L3MBTL4: variants seen among roughly 807,000 people sequenced by gnomAD.
L3MBTL4 encodes the protein L3MBTL histone methyl-lysine binding protein 4, also known as lethal(3)malignant brain tumor-like protein 4.
A neutral mutation model predicts 84.5 loss-of-function variants in L3MBTL4; 70 were observed. The ratio of observed to expected loss-of-function variants is 0.83; its 90% CI spans 0.68 to 1.01. L3MBTL4 has a LOEUF of 1.01. Among genes scored for constraint, L3MBTL4 ranks in the 50% least tolerant of loss-of-function variants. The pLI is 0.00. For synonymous variants in L3MBTL4, 274 were observed against 259.8 expected (o/e 1.05, Z -0.52); for missense variants, 715 against 754.8 (o/e 0.95, Z 0.62).
intron 1 of L3MBTL4, among the ~76,000 whole-genome samples, chr18:6,325,196 A>G (rs866646496): frequency 1.3e-5 from 2 of 152,220 alleles, no homozygotes; most frequent in South Asian, 4.1e-4. Flanking sequence ...ATGGGAAAAA[A>G]ATGAAAACAA....
chr18:6,062,555 C>T (rs1055428688), intron 16 of L3MBTL4, among the ~76,000 whole-genome samples: 2 of 151,984 alleles, frequency 1.3e-5, no homozygotes, highest in Non-Finnish European at 2.9e-5. Context: ...ATTATCATTT[C>T]AAATATTTCT....
chr18:6,362,706 G>A (rs1357947021), intron 1 of L3MBTL4, among the ~76,000 whole-genome samples: 1 of 152,086 alleles, frequency 6.6e-6, no homozygotes, highest in Non-Finnish European at 1.5e-5. Flanking sequence ...TTCCCTCCCT[G>A]GTAACTTACA....
intron 1 of L3MBTL4, among the ~76,000 whole-genome samples, chr18:6,369,311 G>A (rs2144152257): frequency 6.6e-6 from 1 of 152,244 alleles, no homozygotes; most frequent in Middle Eastern, 3.4e-3. Flanking sequence ...TAAGAAAGTA[G>A]GTTGAAAGCA....
intron 5 of L3MBTL4, among the ~76,000 whole-genome samples, chr18:6,254,074 C>G (rs956017823): frequency 2.6e-4 from 40 of 152,118 alleles, no homozygotes; most frequent in African/African-American, 9.7e-4. Flanking sequence ...TTCGGGCGTT[C>G]TAGAATCCTC....
intron 16 of L3MBTL4, among the ~76,000 whole-genome samples, chr18:6,026,251 A>C (rs955621090): frequency 2.6e-5 from 4 of 152,180 alleles, no homozygotes; most frequent in Admixed American, 6.5e-5. Flanking sequence ...TGGTATATAG[A>C]ATTTAAAGAA....
In L3MBTL4 at chr18:5,955,954, C is replaced by T. The variant is rs1000246635; in HGVS notation, c.*266G>A. The stretch of plus-strand genomic sequence containing the variant: ...GGATGTGTGGGCTTCTTTGGTCTGT[C>T]TTGCAAACAAATCAGAGCTGAGCGG... On this transcript the variant is annotated 3_prime_UTR_variant, in exon 19 of 19. Transcript: ENST00000317931. 1.1e-5 allele frequency: 4 copies of T among 348,158 alleles called. No individual in the cohort carries two copies. In the South Asian group the frequency reaches 3.2e-4, roughly 28 times the overall value. 21.6% of individuals were successfully genotyped at this position (348,158 alleles called of 1,614,324 possible). A position where few individuals can be genotyped will look rare whatever the true frequency, so the allele number is the denominator to read the frequency against.
At chr18:5,985,556 ACTCCTAATGAGGCTGC>A (rs2145069743) in intron 16 of L3MBTL4, among the ~76,000 whole-genome samples, 1 of 152,136 alleles carries the variant, frequency 6.6e-6, no homozygotes, top group East Asian at 1.9e-4. Flanking sequence ...CACAGTCAGG[ACTCCTAATGAGGCTGC>A]CTGGCTCCCA....
chr18:6,163,085 C>T (rs1306839017), intron 13 of L3MBTL4, among the ~76,000 whole-genome samples: 2 of 152,044 alleles, frequency 1.3e-5, no homozygotes, highest in Admixed American at 1.3e-4. Flanking sequence ...AAAAGACAAT[C>T]ATAACACCAC....
At chr18:6,320,638 G>T (rs1185032577) in intron 1 of L3MBTL4, among the ~76,000 whole-genome samples, 3 of 151,992 alleles carry the variant, frequency 2.0e-5, no homozygotes, top group African/African-American at 7.2e-5. Flanking sequence ...GAATTGGAAG[G>T]ATCAATATCA....
At chr18:6,040,366 C>T (rs757790243) in intron 16 of L3MBTL4, among the ~76,000 whole-genome samples, 67 of 152,166 alleles carry the variant, frequency 4.4e-4, no homozygotes, top group Middle Eastern at 3.4e-3. Flanking sequence ...TGGCATCTAG[C>T]GGGTAGAAAC....
At chr18:6,290,176 A>G (rs1039509723) in intron 4 of L3MBTL4, among the ~76,000 whole-genome samples, 1 of 152,118 alleles carries the variant, frequency 6.6e-6, no homozygotes, top group Non-Finnish European at 1.5e-5. Context: ...TGGATCTCCC[A>G]AAGTGCCTGG....
intron 14 of L3MBTL4, among the ~76,000 whole-genome samples, chr18:6,100,747 C>T (rs2058797783): frequency 6.6e-6 from 1 of 152,226 alleles, no homozygotes. Context: ...ATCCATGTGG[C>T]TTCCATTGGC....
At chr18:6,108,353 C>T (rs960345000) in intron 14 of L3MBTL4, among the ~76,000 whole-genome samples, 6 of 152,056 alleles carry the variant, frequency 3.9e-5, no homozygotes, top group Middle Eastern at 3.4e-3. Flanking sequence ...TCTTTAAATT[C>T]GTCAATTTAA....
At position 6,093,473 on chromosome 18, in the gene L3MBTL4, C is replaced by G. The variant is rs369119792; in HGVS notation, c.1255G>C (p.Asp419His). The G allele has an allele frequency of 4.3e-6, 7 of 1,613,754 alleles. No individual in the cohort carries two copies. Among genetic ancestry groups the G allele is most frequent in the South Asian group, 2.2e-5 (2 of 91,018 alleles). ...MNLKKEATLH[D>H]RLREQTQANL... is the part of the protein sequence containing the mutation. ...GCCTGTGTTTGTTCTCTCAAACGAT[C>G]GTGAAGTGTTGCCTCCTTTTTCAAG... The change falls in exon 15 of 19, where the codon GAT (aspartate) becomes CAT (histidine). Residue 419 changes from aspartate (D) to histidine (H), a missense_variant. Physicochemically the swap from Asp to His is moderately conservative, Grantham distance 81. Transcript: ENST00000317931.
At chr18:6,170,079 G>C (rs1253672521) in intron 13 of L3MBTL4, among the ~76,000 whole-genome samples, 3 of 152,082 alleles carry the variant, frequency 2.0e-5, no homozygotes, top group Admixed American at 6.6e-5. Context: ...TCATGCGATA[G>C]ATATTAATAT....
intron 16 of L3MBTL4, among the ~76,000 whole-genome samples, chr18:5,988,868 A>G (rs2053571170): frequency 6.6e-6 from 1 of 152,144 alleles, no homozygotes; most frequent in African/African-American, 2.4e-5. Flanking sequence ...ACCAGGGTTG[A>G]GACACCATAG....
rs537926954 is a variant in L3MBTL4, at chr18:6,119,752, A to G, written c.1199+18442T>C. On this transcript the variant is annotated intron_variant, in intron 14 of 18. Transcript: ENST00000317931. Reference sequence around the variant, plus strand: ...AGGTAAAAGACCAGGATTTTTTCTGATATGTCTGATATGTCTCTCTGCAAG... The same window carrying G: ...AGGTAAAAGACCAGGATTTTTTCTGGTATGTCTGATATGTCTCTCTGCAAG... Among the ~76,000 whole-genome samples, 96 of 152,220 alleles carry G rather than the reference A, an allele frequency of 6.3e-4. 1 individual carries two copies. The South Asian group carries it at 0.018, about 29-fold the overall frequency.
chr18:6,021,613 G>A (rs945210423), intron 16 of L3MBTL4, among the ~76,000 whole-genome samples: 1 of 152,210 alleles, frequency 6.6e-6, no homozygotes, highest in Non-Finnish European at 1.5e-5. Flanking sequence ...CTAAATAGCA[G>A]CATTCAGACT....
At chr18:6,359,786 T>C (rs917957085) in intron 1 of L3MBTL4, among the ~76,000 whole-genome samples, 77 of 152,020 alleles carry the variant, frequency 5.1e-4, no homozygotes, top group African/African-American at 1.8e-3. Flanking sequence ...TACAGACTTA[T>C]GTTTTCAATG....
Sources: gnomAD v4.1 joint callset for allele counts (sites outside exome capture counted in the v4.1 genomes callset) on GRCh38, gnomAD v4.1.1 for gene constraint, MANE v1.5 for transcripts, NCBI Gene and HGNC (gene_info 2026-07-23, HGNC 2026-07-21) for gene names.